Variants in PRKN observed in about 807,000 individuals in gnomAD.
The protein encoded by PRKN is parkin RBR E3 ubiquitin protein ligase.
PRKN carries 56 observed loss-of-function variants against 59.5 expected under a neutral mutation model. The ratio of observed to expected loss-of-function variants is 0.94; its 90% CI spans 0.76 to 1.18. PRKN has a LOEUF of 1.18. PRKN is among the 50% of genes most tolerant of loss of function. The pLI, the probability that PRKN is intolerant of heterozygous loss-of-function variation, is 0.00. For missense variants in PRKN, 657 were observed against 596.4 expected, an observed-to-expected ratio of 1.10 and a Z score of -1.06; for synonymous variants, 250 against 222.1, an observed-to-expected ratio of 1.13 and a Z score of -1.12.
chr6:162,726,373 C>T (rs1270061058), intron 1 of PRKN, among the ~76,000 whole-genome samples: 7 of 152,140 alleles, frequency 4.6e-5, no homozygotes, highest in Non-Finnish European at 8.8e-5. Flanking sequence ...CAAACTTGTG[C>T]TTGCAAGTGA....
chr6:162,209,311 C>G (rs1018715984), intron 3 of PRKN, among the ~76,000 whole-genome samples: 1 of 152,028 alleles, frequency 6.6e-6, no homozygotes, highest in Non-Finnish European at 1.5e-5. Context: ...TTCTATGCAT[C>G]CATAGAACAG....
intron 6 of PRKN, among the ~76,000 whole-genome samples, chr6:161,882,356 G>A (rs1166505432): frequency 6.6e-6 from 1 of 152,142 alleles, no homozygotes; most frequent in East Asian, 1.9e-4. Context: ...GGGGGCGTGC[G>A]GTGCAAGAAT....
intron 2 of PRKN, among the ~76,000 whole-genome samples, chr6:162,295,551 A>G (rs547838091): frequency 6.6e-6 from 1 of 152,298 alleles, no homozygotes; most frequent in South Asian, 2.1e-4. Context: ...TAGATCTCCT[A>G]TTAGGACTAA....
In PRKN at chr6:161,973,358, CA is replaced by C; in HGVS notation, c.677del (p.Leu226CysfsTer3). ...PTSDKETSVALHLIATNSRNI... is the reference protein window; with the variant it reads ...PTSDKETSVAXHLIATNSRNI... Reference sequence around the variant, plus strand: ...TCCGACTATTTGTTGCGATCAGGTGCAAAGCTACTGATGTTTCCTTGTCAGA... The same window carrying C: ...TCCGACTATTTGTTGCGATCAGGTGCAAGCTACTGATGTTTCCTTGTCAGA... On this transcript the variant is annotated frameshift_variant, in exon 6 of 12. Transcript: ENST00000366898. LOFTEE classifies it high-confidence loss of function. 1 of 1,614,010 alleles carries C rather than the reference CA, an allele frequency of 6.2e-7. No homozygotes were observed. The highest frequency in any genetic ancestry group is 8.5e-7 in the Non-Finnish European group (1 of 1,179,908).
chr6:162,281,196 C>T (rs1439734560), intron 2 of PRKN, among the ~76,000 whole-genome samples: 2 of 151,468 alleles, frequency 1.3e-5, no homozygotes, highest in Non-Finnish European at 2.9e-5. Context: ...TGTTCTCACT[C>T]ATAGGTGGGA....
intron 1 of PRKN, among the ~76,000 whole-genome samples, chr6:162,564,367 A>T (rs1779974360): frequency 6.6e-6 from 1 of 152,076 alleles, no homozygotes; most frequent in Non-Finnish European, 1.5e-5. Context: ...CAAAAACAAA[A>T]AAAACAGTAA....
At chr6:161,585,163 CT>C (rs1401990819) in intron 7 of PRKN, among the ~76,000 whole-genome samples, 1 of 152,214 alleles carries the variant, frequency 6.6e-6, no homozygotes, top group African/African-American at 2.4e-5. Flanking sequence ...GAGTTAAGCA[CT>C]AACATTCTCT....
At chr6:161,517,018 ATATAGTAT>A (rs758622165) in intron 9 of PRKN, among the ~76,000 whole-genome samples, 4 of 152,126 alleles carry the variant, frequency 2.6e-5, no homozygotes, top group Non-Finnish European at 5.9e-5. Flanking sequence ...TAGGGTAAAA[ATATAGTAT>A]TATAGAGTTT....
At chr6:161,846,509 G>C (rs1400031956) in intron 6 of PRKN, among the ~76,000 whole-genome samples, 1 of 152,156 alleles carries the variant, frequency 6.6e-6, no homozygotes, top group Non-Finnish European at 1.5e-5. Flanking sequence ...ACCCGTTGCT[G>C]TTGGGAGCAC....
intron 2 of PRKN, among the ~76,000 whole-genome samples, chr6:162,284,829 C>T (rs1454625685): frequency 6.6e-6 from 1 of 152,118 alleles, no homozygotes; most frequent in African/African-American, 2.4e-5. Context: ...TGCACAGCTA[C>T]AAGTGTTATG....
intron 7 of PRKN, among the ~76,000 whole-genome samples, chr6:161,666,601 C>G (rs781663587): frequency 2.0e-5 from 3 of 152,174 alleles, no homozygotes; most frequent in Non-Finnish European, 4.4e-5. Context: ...TGAGTCATTG[C>G]AACAAATAAA....
intron 2 of PRKN, among the ~76,000 whole-genome samples, chr6:162,388,162 G>C (rs541388498): frequency 6.6e-6 from 1 of 152,216 alleles, no homozygotes; most frequent in African/African-American, 2.4e-5. Flanking sequence ...GGACTGCAGT[G>C]GCAATGGACC....
chr6:162,275,164 G>A (rs1322113546), intron 2 of PRKN: 4 of 151,504 alleles, frequency 2.6e-5, no homozygotes, highest in Non-Finnish European at 5.9e-5. Flanking sequence ...TGGGATTCCT[G>A]TAAGGGTGCT....
At chr6:161,921,274 T>A (rs1466127391) in intron 6 of PRKN, among the ~76,000 whole-genome samples, 1 of 152,196 alleles carries the variant, frequency 6.6e-6, no homozygotes. Flanking sequence ...TGGAAGGTCT[T>A]CAGGGGCAAT....
intron 6 of PRKN, among the ~76,000 whole-genome samples, chr6:161,819,379 T>C (rs911992695): frequency 6.6e-6 from 1 of 151,950 alleles, no homozygotes; most frequent in Admixed American, 6.6e-5. Flanking sequence ...TAATCCCAGC[T>C]ACTAGGGAGG....
At position 161,388,736 on chromosome 6, in the gene PRKN, G is replaced by C. The variant is rs1583007239; in HGVS notation, c.1084-1859C>G. ...TTGGGACACTTGCTCTTGAAGCCCA[G>C]CTGCCATATGGTAAGGAAGCTCAAC... On this transcript the variant is annotated intron_variant, in intron 9 of 11. Coordinates refer to ENST00000366898, the MANE Select transcript of PRKN (RefSeq NM_004562.3). This position sits in a 1 kb window ranked among gnomAD's most constrained non-coding sequence, Gnocchi z 4.3. Among the ~76,000 whole-genome samples, 1 of 152,212 alleles carries C rather than the reference G, an allele frequency of 6.6e-6. No individual in the cohort carries two copies. Among genetic ancestry groups the C allele is most frequent in the Admixed American group, 6.5e-5 (1 of 15,284 alleles).
At chr6:162,635,170 G>A (rs988927221) in intron 1 of PRKN, among the ~76,000 whole-genome samples, 12 of 152,206 alleles carry the variant, frequency 7.9e-5, no homozygotes, top group African/African-American at 2.9e-4. Flanking sequence ...CAGCTCACGG[G>A]GTAACAGCCT....
At chr6:162,041,377 T>G (rs1337282328) in intron 5 of PRKN, among the ~76,000 whole-genome samples, 1 of 152,196 alleles carries the variant, frequency 6.6e-6, no homozygotes, top group Non-Finnish European at 1.5e-5. Context: ...TCTTACCACT[T>G]GGTGGCCATT....
chr6:161,530,032 T>TA lies in PRKN; in HGVS notation c.1083+18821dup, dbSNP rs147377973. On this transcript the variant is annotated intron_variant, in intron 9 of 11. Transcript: ENST00000366898. The surrounding 1 kb of genome is among the most constrained non-coding windows in gnomAD (Gnocchi z 5.0). ...AAAAGCATTTTACTTAAGAAGCATT[T>TA]AAAAAAAAAACCCTCATTCATTTCA... 0.13 allele frequency among the ~76,000 whole-genome samples: 20,150 copies of TA among 149,884 alleles called. 1,474 individuals carry two copies. The highest frequency in any genetic ancestry group is 0.18 in the African/African-American group (7,483 of 40,940).
Sources: gnomAD v4.1 joint callset for allele counts (sites outside exome capture counted in the v4.1 genomes callset) on GRCh38, gnomAD v4.1.1 for gene constraint, Gnocchi (gnomAD v3.1) non-coding constraint, MANE v1.5 for transcripts, NCBI Gene and HGNC (gene_info 2026-07-23, HGNC 2026-07-21) for gene names.